The following MCM9 variants were observed in gnomAD, a reference collection of about 807,000 sequenced individuals.
MCM9 encodes the protein DNA helicase MCM9.
A neutral mutation model predicts 72.8 loss-of-function variants in MCM9; 55 were observed. That is an observed-to-expected ratio of 0.76 (90% CI 0.61 to 0.95). The LOEUF (loss-of-function observed/expected upper bound fraction) is 0.95. Ranked by LOEUF, MCM9 falls within the 40% of genes least tolerant of loss-of-function variation. MCM9 has a pLI of 0.00. For missense variants in MCM9, 1,279 were observed against 1,377.0 expected (o/e 0.93, Z 1.13); for synonymous variants, 480 against 503.4 (o/e 0.95, Z 0.62).
intron 9 of MCM9, among the ~76,000 whole-genome samples, chr6:118,840,135 T>C (rs1369978467): frequency 6.6e-6 from 1 of 151,790 alleles, no homozygotes; most frequent in Non-Finnish European, 1.5e-5. Flanking sequence ...AGTGACTTAA[T>C]ACTACTGAAC....
chr6:118,832,243 T>C (rs1158686484), intron 9 of MCM9, among the ~76,000 whole-genome samples: 1 of 152,098 alleles, frequency 6.6e-6, no homozygotes, highest in Non-Finnish European at 1.5e-5. Context: ...AGAAAATTTT[T>C]TGTGGAGATG....
At chr6:118,928,153 T>C (rs1782054623) in intron 3 of MCM9, among the ~76,000 whole-genome samples, 1 of 152,192 alleles carries the variant, frequency 6.6e-6, no homozygotes, top group South Asian at 2.1e-4. Context: ...GGCTCATGCT[T>C]GTAATCCCAG....
chr6:118,931,578 TCAAA>T lies in MCM9; in HGVS notation c.142_145del (p.Phe48ArgfsTer30). On this transcript the variant is annotated frameshift_variant, in exon 3 of 14. Transcript: ENST00000619706. LOFTEE classifies it high-confidence loss of function. ...ATATTCCCCGATTTCCATGTTGGTC[TCAAA>T]CAGAGTCATGGCATTAACCACAACT... is the stretch of plus-strand genomic sequence containing the variant. 3 of 1,614,186 alleles carry T rather than the reference TCAAA, an allele frequency of 1.9e-6. No individual in the cohort carries two copies. The highest frequency in any genetic ancestry group is 1.6e-4 in the Middle Eastern group (1 of 6,062).
intron 8 of MCM9, among the ~76,000 whole-genome samples, chr6:118,877,887 G>T (rs1226378522): frequency 1.3e-5 from 2 of 152,208 alleles, no homozygotes; most frequent in Admixed American, 1.3e-4. Flanking sequence ...ACTAGGCCTG[G>T]TGTGGTGGCT....
At chr6:118,905,608 G>A in intron 8 of MCM9, 1 of 1,507,344 alleles carries the variant, frequency 6.6e-7, no homozygotes, top group Non-Finnish European at 9.0e-7. Flanking sequence ...GCCACTAACA[G>A]CCTTTTGTGT....
intron 9 of MCM9, among the ~76,000 whole-genome samples, chr6:118,851,413 T>C (rs1293963948): frequency 6.6e-6 from 1 of 151,782 alleles, no homozygotes; most frequent in Admixed American, 6.6e-5. Context: ...AACCACTGAA[T>C]AGAGTTATCA....
rs1421016896 is a variant in MCM9 at position 118,815,486 on chromosome 6, T to C, written c.2770A>G (p.Thr924Ala). The C allele has an allele frequency of 1.3e-6, 2 of 1,547,710 alleles. No homozygotes were observed. The highest frequency in any genetic ancestry group is 1.4e-5 in the African/African-American group (1 of 72,924). The change falls in exon 14 of 14, where the codon ACT becomes GCT. Residue 924 changes from threonine to alanine, a missense_variant. Coordinates refer to ENST00000619706, the MANE Select transcript of MCM9 (RefSeq NM_017696.3). ...GSPVAKLAKF[T>A]FKQKSKLIHS... ...ATCAGTTTTGACTTCTGCTTGAAAGTAAATTTTGCCAGTTTGGCCACAGGG... is the reference window on the plus strand; with the variant it reads ...ATCAGTTTTGACTTCTGCTTGAAAGCAAATTTTGCCAGTTTGGCCACAGGG...
chr6:118,815,390 A>C lies in MCM9; in HGVS notation c.2866T>G (p.Ser956Ala). Residue 956 changes from serine (S) to alanine (A), a missense_variant, in exon 14 of 14, where the codon TCC becomes GCC. Physicochemically the swap from Ser to Ala is moderately conservative, Grantham distance 99. Transcript: ENST00000619706. ...GCGTCTCTTCTTGTTCTACGCTGGG[A>C]AATTTTAGGACTATGAACTGCTATT... Reference protein sequence around the residue: ...TKIAVHSPKISQRRTRRDAAL... With the variant: ...TKIAVHSPKIAQRRTRRDAAL... The C allele has an allele frequency of 1.9e-6, 3 of 1,550,276 alleles. No individual in the cohort carries two copies. Among genetic ancestry groups the C allele is most frequent in the Non-Finnish European group, 2.6e-6 (3 of 1,146,708 alleles).
intron 3 of MCM9, 81 bp from the exon 4 acceptor site, chr6:118,924,208 G>T: frequency 7.9e-7 from 1 of 1,265,660 alleles, no homozygotes; most frequent in Non-Finnish European, 1.1e-6. Context: ...CCTATTTCCT[G>T]AAAGATAAAT....
chr6:118,917,320 T>C (rs1781044740), intron 6 of MCM9, among the ~76,000 whole-genome samples: 2 of 152,200 alleles, frequency 1.3e-5, no homozygotes. Context: ...GTTTTGGCAG[T>C]GTATAAGGTG....
intron 8 of MCM9, among the ~76,000 whole-genome samples, chr6:118,885,804 C>T (rs1188568878): frequency 2.0e-5 from 3 of 152,102 alleles, no homozygotes; most frequent in South Asian, 2.1e-4. Context: ...GAAGCACTTC[C>T]TAATTCATTC....
intron 8 of MCM9, among the ~76,000 whole-genome samples, chr6:118,876,033 TATC>T (rs570454964): frequency 5.8e-4 from 89 of 152,262 alleles, no homozygotes; most frequent in African/African-American, 1.9e-3. Flanking sequence ...GACAATAAAA[TATC>T]ATTCATTGTT....
chr6:118,815,679 C>T lies in MCM9; in HGVS notation c.2577G>A (p.Leu859=), dbSNP rs1042100805. 5 of 1,549,036 alleles carry T rather than the reference C, an allele frequency of 3.2e-6. No homozygotes were observed. The African/African-American group carries it at 5.5e-5, about 17-fold the overall frequency. ...CAGGCACCCTGGTGCTATTTCTGCA[C>T]AACTTCTGGGCCCTCTCTTTGCACA... ...QKLCKERAQK[L]CRNSTRVPAQ... is the part of the protein sequence containing the mutation. Residue 859 remains leucine (L), a synonymous_variant, in exon 14 of 14, where the codon TTG becomes TTA. Coordinates refer to ENST00000619706, the MANE Select transcript of MCM9 (RefSeq NM_017696.3).
At chr6:118,900,746 C>T (rs1186974930) in intron 8 of MCM9, 2 of 1,492,500 alleles carry the variant, frequency 1.3e-6, no homozygotes, top group Admixed American at 3.3e-5. Flanking sequence ...TGAAATAATG[C>T]TTTGGTTTTT....
At chr6:118,819,965 T>C (rs548115335) in intron 13 of MCM9, among the ~76,000 whole-genome samples, 3 of 151,630 alleles carry the variant, frequency 2.0e-5, no homozygotes, top group Non-Finnish European at 4.4e-5. Flanking sequence ...TCAGTTGTGG[T>C]ATCCCCTTTA....
intron 8 of MCM9, among the ~76,000 whole-genome samples, chr6:118,882,266 A>G (rs1052465029): frequency 6.6e-6 from 1 of 152,234 alleles, no homozygotes. Context: ...GAGTTTGACC[A>G]GGGGGAGAGA....
At chr6:118,843,676 A>ATATATATGTG (rs1775623774) in intron 9 of MCM9, among the ~76,000 whole-genome samples, 1 of 89,320 alleles carries the variant, frequency 1.1e-5, no homozygotes, top group South Asian at 3.9e-4. Flanking sequence ...ATATGTATGT[A>ATATATATGTG]TATATATATG....
chr6:118,820,644 T>C (rs1398746486), intron 13 of MCM9, among the ~76,000 whole-genome samples: 8 of 152,118 alleles, frequency 5.3e-5, no homozygotes, highest in Non-Finnish European at 1.2e-4. Context: ...AGGTCCACTT[T>C]GTCTACAGCT....
chr6:118,893,827 A>C (rs1779116244), intron 8 of MCM9, among the ~76,000 whole-genome samples: 1 of 135,700 alleles, frequency 7.4e-6, no homozygotes, highest in African/African-American at 2.7e-5. Context: ...AGAGCGTTAA[A>C]TCAAAAAACC....
Sources: gnomAD v4.1 joint callset for allele counts (sites outside exome capture counted in the v4.1 genomes callset) on GRCh38, gnomAD v4.1.1 for gene constraint, MANE v1.5 for transcripts, NCBI Gene and HGNC (gene_info 2026-07-23, HGNC 2026-07-21) for gene names.